The following UBE2E3 variants were observed in gnomAD, a reference collection of about 807,000 sequenced individuals.
UBE2E3 encodes ubiquitin-conjugating enzyme E2 E3.
A neutral mutation model predicts 23.6 loss-of-function variants in UBE2E3; 5 were observed. The ratio of observed to expected loss-of-function variants is 0.21; its 90% confidence interval spans 0.11 to 0.44. The LOEUF (loss-of-function observed/expected upper bound fraction) is 0.44. UBE2E3 is among the 20% of genes least tolerant of loss of function. UBE2E3 has a pLI of 0.99. For missense variants in UBE2E3, 81 were observed against 249.8 expected, an observed-to-expected ratio of 0.32 and a Z score of 4.55; for synonymous variants, 78 against 87.5, an observed-to-expected ratio of 0.89 and a Z score of 0.60.
In UBE2E3 at chr2:181,049,649, A is replaced by G. The variant is rs138317167; in HGVS notation, c.246-8044A>G. The stretch of plus-strand genomic sequence containing the variant: ...AGTTTTGAAGAAAGACTATATGGTA[A>G]TTACTAGATCAAGAAAGCATTATTG... On this transcript the variant is annotated intron_variant, in intron 3 of 5. Transcript: ENST00000410062. Among the ~76,000 whole-genome samples the G allele has an allele frequency of 3.5e-3, 540 of 152,180 alleles. 5 individuals carry two copies. Among genetic ancestry groups the G allele is most frequent in the African/African-American group, 0.012 (507 of 41,542 alleles).
intron 2 of UBE2E3, among the ~76,000 whole-genome samples, chr2:180,983,226 T>C (rs1230445440): frequency 1.3e-5 from 2 of 152,266 alleles, no homozygotes; most frequent in African/African-American, 4.8e-5. Flanking sequence ...CTCATATTTT[T>C]CTATGGATTT....
At chr2:181,055,346 G>A (rs188166444) in intron 3 of UBE2E3, among the ~76,000 whole-genome samples, 7 of 151,880 alleles carry the variant, frequency 4.6e-5, no homozygotes, top group Non-Finnish European at 1.0e-4. Flanking sequence ...CAAGACAGTG[G>A]AAGAGACAGA....
chr2:181,019,746 A>G (rs879421567), intron 3 of UBE2E3, among the ~76,000 whole-genome samples: 2 of 152,180 alleles, frequency 1.3e-5, no homozygotes, highest in Non-Finnish European at 2.9e-5. Context: ...TGGTATGTAT[A>G]TTTTGATACA....
At chr2:180,991,470 T>C (rs1377295881) in intron 3 of UBE2E3, among the ~76,000 whole-genome samples, 2 of 152,212 alleles carry the variant, frequency 1.3e-5, no homozygotes, top group Non-Finnish European at 2.9e-5. Flanking sequence ...AAATAAGCAC[T>C]GCAGTAGTCT....
At chr2:181,057,884 T>C (rs959392284) in intron 4 of UBE2E3, 59 bp downstream of exon 4, 19 of 1,556,880 alleles carry the variant, frequency 1.2e-5, no homozygotes, top group Non-Finnish European at 1.7e-5. Flanking sequence ...AATCGGTTAT[T>C]CTAGAACTTA....
At chr2:181,039,718 A>T (rs758401076) in intron 3 of UBE2E3, among the ~76,000 whole-genome samples, 2 of 152,202 alleles carry the variant, frequency 1.3e-5, no homozygotes, top group Non-Finnish European at 2.9e-5. Context: ...AAAGACACTG[A>T]TGTCTAGGAG....
chr2:181,014,195 A>T (rs562074760), intron 3 of UBE2E3, among the ~76,000 whole-genome samples: 12 of 152,220 alleles, frequency 7.9e-5, no homozygotes, highest in African/African-American at 2.9e-4. Flanking sequence ...TGGAAGTTTT[A>T]GTTTTTGTTT....
chr2:181,032,318 G>A (rs1469062525), intron 3 of UBE2E3, among the ~76,000 whole-genome samples: 3 of 151,978 alleles, frequency 2.0e-5, no homozygotes, highest in Non-Finnish European at 4.4e-5. Flanking sequence ...ATTTTTAATC[G>A]GTAATATTTT....
intron 5 of UBE2E3, 48 bp downstream of exon 5, chr2:181,060,860 GCTTTTTT>G: frequency 3.1e-6 from 1 of 327,146 alleles, no homozygotes. Flanking sequence ...AAAAACGAGT[GCTTTTTT>G]TTTTTTTTTT....
intron 3 of UBE2E3, among the ~76,000 whole-genome samples, chr2:181,025,607 G>A (rs1391889188): frequency 6.6e-6 from 1 of 151,658 alleles, no homozygotes; most frequent in Non-Finnish European, 1.5e-5. Context: ...AATGACCATC[G>A]TCCTGTGTTA....
intron 5 of UBE2E3, 102 bp downstream of exon 5, chr2:181,060,914 G>A: frequency 3.7e-6 from 4 of 1,087,478 alleles, no homozygotes; most frequent in Admixed American, 3.9e-5. Context: ...TAGATTGAGA[G>A]GTAAATGTTA....
intron 3 of UBE2E3, among the ~76,000 whole-genome samples, chr2:181,023,429 T>G (rs1685771182): frequency 6.6e-6 from 1 of 152,212 alleles, no homozygotes; most frequent in Non-Finnish European, 1.5e-5. Context: ...CCATTATCAA[T>G]GATATTTGTT....
At chr2:181,000,451 A>G (rs185630522) in intron 3 of UBE2E3, among the ~76,000 whole-genome samples, 4 of 152,304 alleles carry the variant, frequency 2.6e-5, no homozygotes, top group African/African-American at 7.2e-5. Context: ...TACCATTCAT[A>G]CTGTACTCTG....
chr2:180,988,216 T>C (rs144166575), intron 3 of UBE2E3, among the ~76,000 whole-genome samples: 1 of 152,276 alleles, frequency 6.6e-6, no homozygotes, highest in African/African-American at 2.4e-5. Flanking sequence ...CAGTGTAGCC[T>C]GTAGTGATGT....
intron 5 of UBE2E3, 107 bp downstream of exon 5, chr2:181,060,919 A>C: frequency 9.2e-7 from 1 of 1,083,636 alleles, no homozygotes; most frequent in East Asian, 3.0e-5. Flanking sequence ...TGAGAGGTAA[A>C]TGTTATTCAT....
At chr2:180,992,356 T>C (rs1208714299) in intron 3 of UBE2E3, among the ~76,000 whole-genome samples, 2 of 152,298 alleles carry the variant, frequency 1.3e-5, no homozygotes, top group South Asian at 4.1e-4. Flanking sequence ...CTTAATACTT[T>C]GGATGTATTT....
At position 181,017,586 on chromosome 2, in the gene UBE2E3, G is replaced by C. The variant is rs76705205; in HGVS notation, c.245+33493G>C. On this transcript the variant is annotated intron_variant, in intron 3 of 5. Transcript: ENST00000410062. ...CGGTAATATGCATACCATCCTTTTG[G>C]GAAATGTAGCTTTTTCTAGACTGGA... Among the ~76,000 whole-genome samples the C allele has an allele frequency of 2.0e-3, 309 of 151,684 alleles. 3 individuals carry two copies. Among genetic ancestry groups the C allele is most frequent in the African/African-American group, 7.2e-3 (297 of 41,314 alleles).
intron 3 of UBE2E3, among the ~76,000 whole-genome samples, chr2:181,032,875 C>T (rs1401932332): frequency 6.6e-6 from 1 of 152,146 alleles, no homozygotes; most frequent in Non-Finnish European, 1.5e-5. Context: ...CACAAGCATT[C>T]TTAAACACCA....
At chr2:181,020,775 A>G (rs1685647513) in intron 3 of UBE2E3, among the ~76,000 whole-genome samples, 1 of 152,212 alleles carries the variant, frequency 6.6e-6, no homozygotes. Flanking sequence ...ATGCATAAGG[A>G]AAAAAGTAAG....
Sources: allele counts gnomAD v4.1 joint callset (sites outside exome capture counted in the v4.1 genomes callset), GRCh38; gene constraint gnomAD v4.1.1; transcripts MANE v1.5; gene names NCBI Gene and HGNC (gene_info 2026-07-23, HGNC 2026-07-21).